Variants in NDOR1 observed in about 807,000 individuals in gnomAD.
The protein encoded by NDOR1 is NADPH-dependent diflavin oxidoreductase 1.
A neutral mutation model predicts 67.2 loss-of-function variants in NDOR1; 61 were observed. The observed-to-expected ratio is 0.91, with a 90% CI of 0.74 to 1.12. NDOR1 has a LOEUF of 1.12. NDOR1 is among the 50% of genes most tolerant of loss of function. The pLI is 0.00. For synonymous variants in NDOR1, 378 were observed against 343.7 expected (o/e 1.10, Z -1.10); for missense variants, 878 against 802.8 (o/e 1.09, Z -1.13).
At position 137,214,885 on chromosome 9, in the gene NDOR1, G is replaced by C. The variant is rs759069782; in HGVS notation, c.932G>C (p.Arg311Pro). The C allele has an allele frequency of 4.3e-6, 7 of 1,611,698 alleles. No homozygotes were observed. The East Asian group carries it at 1.6e-4, about 36-fold the overall frequency. Reference sequence around the variant, plus strand: ...CTGGACATCGCCAGCGTGCCTCGCCGCTCCTTCTTCGAACTCCTGGCCTGT... The same window carrying C: ...CTGGACATCGCCAGCGTGCCTCGCCCCTCCTTCTTCGAACTCCTGGCCTGT... ...HYLDIASVPR[R>P]SFFELLACLS... Residue 311 changes from arginine to proline, a missense_variant, in exon 8 of 14, where the codon CGC becomes CCC. Physicochemically the swap from Arg to Pro is moderately radical, Grantham distance 103. Coordinates refer to ENST00000684003, the MANE Select transcript of NDOR1 (RefSeq NM_014434.4).
rs111828439 is a variant in NDOR1, at chr9:137,213,459, A to G, written c.312-321A>G. On this transcript the variant is annotated intron_variant, in intron 3 of 13. Coordinates refer to ENST00000684003, the MANE Select transcript of NDOR1 (RefSeq NM_014434.4). ...TCTTGGCTGGGGGCCTGGAGGCCTC[A>G]GCTGCCTCAAGTCCCTGCCCAGGGA... 3.3e-3 allele frequency among the ~76,000 whole-genome samples: 509 copies of G among 152,248 alleles called. 4 individuals are homozygous for G. Among genetic ancestry groups the G allele is most frequent in the African/African-American group, 9.8e-3 (406 of 41,540 alleles).
chr9:137,214,589 G>A lies in NDOR1; in HGVS notation c.742G>A (p.Val248Met). 4 of 1,611,446 alleles carry A rather than the reference G, an allele frequency of 2.5e-6. No homozygotes were observed. Among genetic ancestry groups the A allele is most frequent in the Non-Finnish European group, 3.4e-6 (4 of 1,179,928 alleles). ...SGISFAAGDVVLIQPSNSAAH... is the reference protein window; with the variant it reads ...SGISFAAGDVMLIQPSNSAAH... ...ACACAGCTTTGCTGCTGGTGATGTG[G>A]TGCTGATTCAGCCCTCCAACTCGGC... Residue 248 changes from valine (V) to methionine (M), a missense_variant, in exon 7 of 14, where the codon GTG becomes ATG. By Grantham distance (21) the Val-to-Met change is conservative. Coordinates refer to ENST00000684003, the MANE Select transcript of NDOR1 (RefSeq NM_014434.4).
At position 137,216,020 on chromosome 9, in the gene NDOR1, G is replaced by A. The variant is rs779573344; in HGVS notation, c.1554+3G>A. 3 of 1,613,610 alleles carry A rather than the reference G, an allele frequency of 1.9e-6. No homozygotes were observed. Among genetic ancestry groups the A allele is most frequent in the Non-Finnish European group, 2.5e-6 (3 of 1,180,012 alleles). ...TCCCTGCCTTCTCCCGGGAACAGGT[G>A]TGTATGCTCAGGGGCTGGGAAAGGA... On this transcript the variant is annotated splice_donor_region_variant and intron_variant, in intron 12 of 13. Transcript: ENST00000684003.
rs150882630 is a variant in NDOR1 at position 137,210,171 on chromosome 9, C to T, written c.214-2331C>T. ...GAAGCAGCCAAGGATGTTACCCCCACGGGGCAAAGCTGGAGACTCAGGAAC... is the reference window on the plus strand; with the variant it reads ...GAAGCAGCCAAGGATGTTACCCCCATGGGGCAAAGCTGGAGACTCAGGAAC... On this transcript the variant is annotated intron_variant, in intron 2 of 13. Coordinates refer to ENST00000684003, the MANE Select transcript of NDOR1 (RefSeq NM_014434.4). 2.6e-4 allele frequency among the ~76,000 whole-genome samples: 39 copies of T among 152,310 alleles called. 1 individual carries two copies. The South Asian group carries it at 4.6e-3, about 18-fold the overall frequency.
chr9:137,212,475 C>CT lies in NDOR1; in HGVS notation c.214-26dup, dbSNP rs759634771. On this transcript the variant is annotated intron_variant, in intron 2 of 13. Transcript: ENST00000684003. The surrounding 1 kb of genome is among the most constrained non-coding windows in gnomAD (Gnocchi z 4.3). Reference sequence around the variant, plus strand: ...GGGGCTAGCCTAGAGGTCGAGGACTCTGACTCAGAGTTTCCTCCGGCTGTA... The same window carrying CT: ...GGGGCTAGCCTAGAGGTCGAGGACTCTTGACTCAGAGTTTCCTCCGGCTGTA... 12 of 1,606,052 alleles carry CT rather than the reference C, an allele frequency of 7.5e-6. No individual in the cohort carries two copies. The highest frequency in any genetic ancestry group is 9.4e-6 in the Non-Finnish European group (11 of 1,172,820).
chr9:137,215,407 A>G lies in NDOR1; in HGVS notation c.1174A>G (p.Thr392Ala). Residue 392 changes from threonine to alanine, a missense_variant and splice_region_variant, in exon 10 of 14, where the codon ACT (threonine) becomes GCT (alanine). Coordinates refer to ENST00000684003, the MANE Select transcript of NDOR1 (RefSeq NM_014434.4). ...RAFSIASSLL[T>A]HPSRLQILVA... ...ACCCCCACCCCGCCGTCCTCCCCAG[A>G]CTCACCCCTCACGGCTGCAGATCCT... 2 of 1,600,950 alleles carry G rather than the reference A, an allele frequency of 1.2e-6. No homozygotes were observed. The highest frequency in any genetic ancestry group is 1.7e-6 in the Non-Finnish European group (2 of 1,169,398).
intron 3 of NDOR1, among the ~76,000 whole-genome samples, chr9:137,213,438 G>C (rs573505079): frequency 6.6e-6 from 1 of 152,150 alleles, no homozygotes; most frequent in Non-Finnish European, 1.5e-5. Context: ...CCCACATCTT[G>C]GCTGGGGGCC....
chr9:137,206,495 C>A (rs1459905306), intron 2 of NDOR1, among the ~76,000 whole-genome samples, 186 bp downstream of exon 2: 2 of 152,210 alleles, frequency 1.3e-5, no homozygotes. Context: ...CTCGTCGTAG[C>A]CACCAAATAG....
intron 2 of NDOR1, among the ~76,000 whole-genome samples, chr9:137,207,004 G>T (rs138139268): frequency 6.6e-6 from 1 of 152,238 alleles, no homozygotes; most frequent in Non-Finnish European, 1.5e-5. Flanking sequence ...GCCAAGCTGA[G>T]GAGTACACTG....
Position 137,212,588 on chromosome 9 carries a change from C to T in NDOR1, c.300C>T (p.Ser100=). 6.2e-7 allele frequency: 1 copy of T among 1,613,734 alleles called. No individual in the cohort carries two copies. The highest frequency in any genetic ancestry group is 2.2e-5 in the East Asian group (1 of 44,882). The change falls in exon 3 of 14, where the codon TCC becomes TCT. Residue 100 remains serine (S), a synonymous_variant. Transcript: ENST00000684003. The surrounding 1 kb of genome is among the most constrained non-coding windows in gnomAD (Gnocchi z 4.3). The part of the protein sequence containing the change: ...MDFAVLGLGD[S]SYAKFNFVAK... ...TTGCCGTCCTGGGCCTCGGGGACTC[C>T]TCATACGCCAAGTGAGTAGGGGATG...
In NDOR1 at chr9:137,217,989, C is replaced by G. The variant is rs1835707159; in HGVS notation, c.*1573C>G. Reference sequence around the variant, plus strand: ...ACAGCCAGTGAGCCCCTGCTGGGGGCCAAAGCCATGGAGGGTGCCTGGGCC... The same window carrying G: ...ACAGCCAGTGAGCCCCTGCTGGGGGGCAAAGCCATGGAGGGTGCCTGGGCC... On this transcript the variant is annotated 3_prime_UTR_variant, in exon 14 of 14. Transcript: ENST00000684003. 1.8e-5 allele frequency: 7 copies of G among 398,890 alleles called. No homozygotes were observed. The Admixed American group carries it at 2.6e-4, about 15-fold the overall frequency. The allele number at this position is 398,890 out of a possible 1,614,324, so 24.7% of individuals were successfully genotyped here.
In NDOR1 at chr9:137,218,167, G is replaced by A; in HGVS notation, c.*1751G>A. 2 of 398,516 alleles carry A rather than the reference G, an allele frequency of 5.0e-6. No individual in the cohort carries two copies. The highest frequency in any genetic ancestry group is 7.1e-5 in the East Asian group (2 of 28,044). The allele number at this position is 398,516 out of a possible 1,614,324, so 24.7% of individuals were successfully genotyped here. The stretch of plus-strand genomic sequence containing the variant: ...GCCTGTGTGTGGGCTGCCTGCACAG[G>A]CTGCTGGGCTCGGCCTCCAGTGCCG... On this transcript the variant is annotated 3_prime_UTR_variant, in exon 14 of 14. Coordinates refer to ENST00000684003, the MANE Select transcript of NDOR1 (RefSeq NM_014434.4).
At chr9:137,208,706 C>G (rs925440937) in intron 2 of NDOR1, among the ~76,000 whole-genome samples, 2 of 151,754 alleles carry the variant, frequency 1.3e-5, no homozygotes, top group African/African-American at 4.8e-5. Flanking sequence ...TGCCTGTGAT[C>G]ACAGTTACTC....
intron 7 of NDOR1, 33 bp downstream of exon 7, chr9:137,214,724 C>T (rs1411090413): frequency 2.3e-5 from 36 of 1,598,786 alleles, no homozygotes; most frequent in Non-Finnish European, 3.0e-5. Context: ...TGACTCTCTG[C>T]CCTCTCCCGT....
In NDOR1 at chr9:137,215,982, T is replaced by C; in HGVS notation, c.1519T>C (p.Cys507Arg). ...GTGGCAGGAGCTGGAGAAGCGGGAC[T>C]GTCTGACCCTCATCCCTGCCTTCTC... ...AEWQELEKRD[C>R]LTLIPAFSRE... The change falls in exon 12 of 14, where the codon TGT (cysteine) becomes CGT (arginine). Residue 507 changes from cysteine (C) to arginine (R), a missense_variant. Transcript: ENST00000684003. 3 of 1,613,382 alleles carry C rather than the reference T, an allele frequency of 1.9e-6. No homozygotes were observed. Among genetic ancestry groups the C allele is most frequent in the Non-Finnish European group, 2.5e-6 (3 of 1,180,002 alleles).
rs1273369280 is a variant in NDOR1 at position 137,212,792 on chromosome 9, G to A, written c.311+193G>A. Reference sequence around the variant, plus strand: ...TCACGCTGCGGGGAGGGCACAGAGGGGAGCAGGCAGGGTGGCAAAGGGCTG... The same window carrying A: ...TCACGCTGCGGGGAGGGCACAGAGGAGAGCAGGCAGGGTGGCAAAGGGCTG... On this transcript the variant is annotated intron_variant, in intron 3 of 13. Transcript: ENST00000684003. The surrounding 1 kb of genome is among the most constrained non-coding windows in gnomAD (Gnocchi z 4.3). 1 of 581,024 alleles carries A rather than the reference G, an allele frequency of 1.7e-6. No individual in the cohort carries two copies. The highest frequency in any genetic ancestry group is 3.1e-6 in the Non-Finnish European group (1 of 324,820). The allele number at this position is 581,024 out of a possible 1,614,324, so 36.0% of individuals were successfully genotyped here. A position where few individuals can be genotyped will look rare whatever the true frequency, so the allele number is the denominator to read the frequency against.
Position 137,218,558 on chromosome 9 carries a change from C to T in NDOR1, c.*2142C>T. On this transcript the variant is annotated 3_prime_UTR_variant, in exon 14 of 14. Coordinates refer to ENST00000684003, the MANE Select transcript of NDOR1 (RefSeq NM_014434.4). ...GCTGCTGGTCTTCACGCCGCTCCTG[C>T]TGCTGGGACTGCTCTTCGTGCTCCT... 2.5e-6 allele frequency: 1 copy of T among 399,612 alleles called. No homozygotes were observed. Among genetic ancestry groups the T allele is most frequent in the Non-Finnish European group, 4.4e-6 (1 of 226,958 alleles). 24.8% of individuals were successfully genotyped at this position (399,612 alleles called of 1,614,324 possible). A position where few individuals can be genotyped will look rare whatever the true frequency, so the allele number is the denominator to read the frequency against.
rs763248690 is a variant in NDOR1, at chr9:137,214,684, G to C, written c.837G>C (p.Arg279=). The C allele has an allele frequency of 3.1e-6, 5 of 1,603,274 alleles. No individual in the cohort carries two copies. Among genetic ancestry groups the C allele is most frequent in the Non-Finnish European group, 4.2e-6 (5 of 1,179,790 alleles). The change falls in exon 7 of 14, where the codon CGG becomes CGC. Residue 279 remains arginine, a synonymous_variant. Coordinates refer to ENST00000684003, the MANE Select transcript of NDOR1 (RefSeq NM_014434.4). ...ACCAGCTCTTCATGCTGCAGCCGCG[G>C]GAGCCAGGTGAGCCCAGCCTCGGCC... The part of the protein sequence containing the change: ...DPDQLFMLQP[R]EPDVSSPTRL...
chr9:137,210,534 G>GA (rs1835204557), intron 2 of NDOR1, among the ~76,000 whole-genome samples: 1 of 152,034 alleles, frequency 6.6e-6, no homozygotes, highest in Admixed American at 6.6e-5. Flanking sequence ...AAATGGACAT[G>GA]AAAAAACTTT....
Sources: allele counts gnomAD v4.1 joint callset (sites outside exome capture counted in the v4.1 genomes callset), GRCh38; gene constraint gnomAD v4.1.1; non-coding constraint Gnocchi (gnomAD v3.1); transcripts MANE v1.5; gene names NCBI Gene and HGNC (gene_info 2026-07-23, HGNC 2026-07-21).